The following CDH18 variants were observed in gnomAD, a reference collection of about 807,000 sequenced individuals.
CDH18 encodes cadherin 18, also known as cadherin-18.
Under a neutral mutation model 67.9 loss-of-function variants are expected in CDH18, and 31 were observed. The ratio of observed to expected loss-of-function variants is 0.46; its 90% CI spans 0.34 to 0.62. The LOEUF (loss-of-function observed/expected upper bound fraction) is 0.62. CDH18 is among the 20% of genes least tolerant of loss of function. CDH18 has a pLI of 0.01. For synonymous variants in CDH18, 362 were observed against 347.2 expected (o/e 1.04, Z -0.48); for missense variants, 890 against 975.5 (o/e 0.91, Z 1.17).
At chr5:19,550,871 T>G (rs571658435) in intron 8 of CDH18, among the ~76,000 whole-genome samples, 32 of 152,266 alleles carry the variant, frequency 2.1e-4, no homozygotes, top group African/African-American at 5.5e-4. Flanking sequence ...CTAGTTTACA[T>G]TCCCACCAAC....
rs1473863275 is a variant in CDH18 at position 19,838,912 on chromosome 5, A to C, written c.75T>G (p.Thr25=). Residue 25 remains threonine, a synonymous_variant, in exon 3 of 13, where the codon ACT becomes ACG. Coordinates refer to ENST00000382275, the MANE Select transcript of CDH18 (RefSeq NM_004934.5). ...CLCFVQRCYG[T]AHHSSIKVMR... is the part of the protein sequence containing the mutation. ...TCACCTTGATGGAGCTGTGGTGAGC[A>C]GTTCCATAACACCTCTGCACAAAAC... 6.2e-7 allele frequency: 1 copy of C among 1,614,016 alleles called. No individual in the cohort carries two copies. Among genetic ancestry groups the C allele is most frequent in the African/African-American group, 1.3e-5 (1 of 74,944 alleles).
In CDH18 at chr5:20,500,028, T is replaced by G. The variant is rs1013203399; in HGVS notation, c.-580+75434A>C. Among the ~76,000 whole-genome samples the G allele has an allele frequency of 3.6e-4, 55 of 152,140 alleles. 2 individuals carry two copies. Among genetic ancestry groups the G allele is most frequent in the Non-Finnish European group, 2.9e-5 (2 of 68,000 alleles). On this transcript the variant is annotated intron_variant, in intron 1 of 14. Transcript: ENST00000507958. ...TTAAATTGTCACAGACCATTGTAGA[T>G]ATATAGATAGAAATATCTAGTTTCT...
intron 1 of CDH18, among the ~76,000 whole-genome samples, chr5:20,415,221 A>G (rs1747189519): frequency 6.6e-6 from 1 of 151,876 alleles, no homozygotes; most frequent in South Asian, 2.1e-4. Context: ...CCCTGTCTCT[A>G]CTAAAATACA....
Position 19,727,040 on chromosome 5 carries a change from G to T in CDH18, c.524-5574C>A, listed in dbSNP as rs115150270. On this transcript the variant is annotated intron_variant, in intron 4 of 12. Coordinates refer to ENST00000382275, the MANE Select transcript of CDH18 (RefSeq NM_004934.5). The stretch of plus-strand genomic sequence containing the variant: ...TTGATTTTGGACCTCCCATCTTTCA[G>T]AACTGTGACAAATAAATGTTGTTTA... Among the ~76,000 whole-genome samples, 278 of 152,226 alleles carry T rather than the reference G, an allele frequency of 1.8e-3. 1 individual carries two copies. The highest frequency in any genetic ancestry group is 6.1e-3 in the African/African-American group (254 of 41,558).
At chr5:20,092,411 C>T (rs554833160) in intron 2 of CDH18, among the ~76,000 whole-genome samples, 2 of 151,948 alleles carry the variant, frequency 1.3e-5, no homozygotes, top group Non-Finnish European at 2.9e-5. Flanking sequence ...AGTGTCCCGA[C>T]AGGTTAGCTG....
chr5:19,703,116 T>C (rs1470054156), intron 5 of CDH18, among the ~76,000 whole-genome samples: 1 of 152,152 alleles, frequency 6.6e-6, no homozygotes, highest in Non-Finnish European at 1.5e-5. Flanking sequence ...CCGCACTCCA[T>C]ATTTCTCTGT....
At chr5:19,554,021 T>G (rs1019413461) in intron 8 of CDH18, among the ~76,000 whole-genome samples, 3 of 152,116 alleles carry the variant, frequency 2.0e-5, no homozygotes, top group African/African-American at 7.2e-5. Flanking sequence ...TTTGTTAACA[T>G]TGGGAATGCA....
intron 2 of CDH18, among the ~76,000 whole-genome samples, chr5:20,045,103 A>G (rs901257105): frequency 6.6e-6 from 1 of 152,300 alleles, no homozygotes; most frequent in African/African-American, 2.4e-5. Context: ...CATAATACTT[A>G]CAATAATGTT....
At chr5:20,484,846 T>G (rs747198281) in intron 1 of CDH18, among the ~76,000 whole-genome samples, 1 of 151,924 alleles carries the variant, frequency 6.6e-6, no homozygotes, top group African/African-American at 2.4e-5. Flanking sequence ...TATAGCTAGA[T>G]AGAATGAGTA....
chr5:20,513,275 T>A (rs945544395), intron 1 of CDH18, among the ~76,000 whole-genome samples: 2 of 152,118 alleles, frequency 1.3e-5, no homozygotes, highest in African/African-American at 4.8e-5. Flanking sequence ...AGCTCAAACA[T>A]TAGGAGCTTA....
At chr5:19,717,131 A>G (rs1195228488) in intron 5 of CDH18, among the ~76,000 whole-genome samples, 1 of 152,070 alleles carries the variant, frequency 6.6e-6, no homozygotes, top group African/African-American at 2.4e-5. Context: ...ACGATTTTGT[A>G]AAACAGTATA....
At chr5:20,474,858 T>G (rs1232380261) in intron 1 of CDH18, among the ~76,000 whole-genome samples, 1 of 152,208 alleles carries the variant, frequency 6.6e-6, no homozygotes, top group Non-Finnish European at 1.5e-5. Context: ...CCAAATAACC[T>G]CTAAGACTCA....
chr5:19,713,054 A>G (rs887577709), intron 5 of CDH18, among the ~76,000 whole-genome samples: 4 of 151,770 alleles, frequency 2.6e-5, no homozygotes, highest in African/African-American at 9.7e-5. Context: ...ATTAACTAGT[A>G]TTAATAGCTA....
chr5:19,819,517 A>G (rs1407889631), intron 3 of CDH18, among the ~76,000 whole-genome samples: 1 of 152,160 alleles, frequency 6.6e-6, no homozygotes, highest in African/African-American at 2.4e-5. Flanking sequence ...CCAAGTGTCA[A>G]GAATGGCTCC....
At chr5:20,383,221 A>C (rs1562019903) in intron 1 of CDH18, among the ~76,000 whole-genome samples, 2 of 152,136 alleles carry the variant, frequency 1.3e-5, no homozygotes, top group African/African-American at 2.4e-5. Context: ...ATATCTTATC[A>C]TAATTTTATG....
chr5:19,749,671 A>C (rs1448120675), intron 3 of CDH18, among the ~76,000 whole-genome samples: 3 of 151,104 alleles, frequency 2.0e-5, no homozygotes, highest in Non-Finnish European at 4.4e-5. Flanking sequence ...AGCATCTATT[A>C]AGCATCTATT....
intron 8 of CDH18, among the ~76,000 whole-genome samples, chr5:19,562,406 C>T (rs1739614946): frequency 6.6e-6 from 1 of 151,976 alleles, no homozygotes; most frequent in Admixed American, 6.6e-5. Context: ...TAATCCAACT[C>T]ATCATCAATT....
At chr5:19,681,333 T>C (rs1760290351) in intron 5 of CDH18, among the ~76,000 whole-genome samples, 2 of 151,936 alleles carry the variant, frequency 1.3e-5, no homozygotes, top group African/African-American at 4.8e-5. Context: ...CAAGCCCTCA[T>C]GACATGCAAT....
intron 1 of CDH18, among the ~76,000 whole-genome samples, chr5:20,274,529 A>AT (rs1745663709): frequency 6.6e-6 from 1 of 152,116 alleles, no homozygotes; most frequent in African/African-American, 2.4e-5. Context: ...CCTTATCTTG[A>AT]TTTTTGCAAT....
Sources: gnomAD v4.1 joint callset for allele counts (sites outside exome capture counted in the v4.1 genomes callset) on GRCh38, gnomAD v4.1.1 for gene constraint, MANE v1.5 for transcripts, NCBI Gene and HGNC (gene_info 2026-07-23, HGNC 2026-07-21) for gene names.